GKN2: variants seen among roughly 807,000 people sequenced by gnomAD.
GKN2 encodes gastrokine 2.
GKN2 carries 17 observed loss-of-function variants against 22.7 expected under a neutral mutation model. The ratio of observed to expected loss-of-function variants is 0.75; its 90% CI spans 0.51 to 1.13. GKN2 has a LOEUF of 1.13. Ranked by LOEUF, GKN2 falls within the 50% of genes most tolerant of loss-of-function variation. GKN2 has a pLI of 0.00. For synonymous variants in GKN2, 82 were observed against 79.6 expected, an observed-to-expected ratio of 1.03 and a Z score of -0.16; for missense variants, 248 against 221.4, an observed-to-expected ratio of 1.12 and a Z score of -0.76.
chr2:68,948,293 T>G (rs1462615866), intron 3 of GKN2, among the ~76,000 whole-genome samples: 1 of 151,682 alleles, frequency 6.6e-6, no homozygotes, highest in Non-Finnish European at 1.5e-5. Flanking sequence ...ATGATAGTTA[T>G]TAGCTATATG....
chr2:68,952,247 C>G (rs1375104960), intron 1 of GKN2, among the ~76,000 whole-genome samples: 1 of 152,080 alleles, frequency 6.6e-6, no homozygotes, highest in Non-Finnish European at 1.5e-5. Context: ...CTTAAATTTG[C>G]CATGATTGCG....
intron 4 of GKN2, 36 bp from the exon 5 acceptor site, chr2:68,946,496 A>C (rs1465104734): frequency 2.7e-6 from 4 of 1,497,928 alleles, no homozygotes; most frequent in Non-Finnish European, 3.6e-6. Flanking sequence ...AACATAAAAT[A>C]AATTGACAAA....
chr2:68,946,732 A>C (rs904356703), intron 4 of GKN2, among the ~76,000 whole-genome samples: 2 of 152,078 alleles, frequency 1.3e-5, no homozygotes, highest in African/African-American at 2.4e-5. Context: ...GGAGACTTAA[A>C]CCTTGGGTCT....
At chr2:68,948,399 C>T (rs1056501419) in intron 3 of GKN2, among the ~76,000 whole-genome samples, 4 of 152,166 alleles carry the variant, frequency 2.6e-5, no homozygotes, top group Non-Finnish European at 5.9e-5. Flanking sequence ...CTGGGGGCTT[C>T]CCTATTGGAA....
Position 68,947,256 on chromosome 2 carries a change from C to A in GKN2, c.206G>T (p.Gly69Val). ...SSTTIFDYKH[G>V]YIASRVLSRR... The stretch of plus-strand genomic sequence containing the variant: ...GGAGAGCACCCTGGATGCAATGTAG[C>A]CCTGAGGCAGCAAGAGTACAGTTAC... The change falls in exon 4 of 6, where the codon GGC becomes GTC. Residue 69 changes from glycine (G) to valine (V), a missense_variant and splice_region_variant. Coordinates refer to ENST00000328895, the MANE Select transcript of GKN2 (RefSeq NM_182536.3). 6.2e-7 allele frequency: 1 copy of A among 1,602,722 alleles called. No individual in the cohort carries two copies. The highest frequency in any genetic ancestry group is 2.2e-5 in the East Asian group (1 of 44,814).
In GKN2 at chr2:68,950,318, G is replaced by A. The variant is rs1234815230; in HGVS notation, c.67-55C>T. On this transcript the variant is annotated intron_variant, in intron 2 of 5. Transcript: ENST00000328895. ...TCCATAAATCTTATATATTTGAAAGGCAACTCTTCCAACAAAATAAAGCAG... is the reference window on the plus strand; with the variant it reads ...TCCATAAATCTTATATATTTGAAAGACAACTCTTCCAACAAAATAAAGCAG... 3.3e-6 allele frequency: 5 copies of A among 1,520,860 alleles called. No individual in the cohort carries two copies. The African/African-American group carries it at 4.2e-5, about 13-fold the overall frequency. 94.2% of individuals were successfully genotyped at this position (1,520,860 alleles called of 1,614,324 possible). A position where few individuals can be genotyped will look rare whatever the true frequency, so the allele number is the denominator to read the frequency against.
Position 68,946,003 on chromosome 2 carries a change from A to T in GKN2, c.472+301T>A, listed in dbSNP as rs886403596. On this transcript the variant is annotated intron_variant, in intron 5 of 5. Coordinates refer to ENST00000328895, the MANE Select transcript of GKN2 (RefSeq NM_182536.3). ...ACTTTTTGCTACTTGAAATTCTTAC[A>T]TATGAAAGTATACAAGAATCGAGTA... 14 of 394,604 alleles carry T rather than the reference A, an allele frequency of 3.5e-5. No homozygotes were observed. In the South Asian group the frequency reaches 1.6e-3, roughly 44 times the overall value. 24.4% of individuals were successfully genotyped at this position (394,604 alleles called of 1,614,324 possible).
intron 1 of GKN2, among the ~76,000 whole-genome samples, chr2:68,952,265 G>A (rs1426778270): frequency 1.3e-5 from 2 of 152,204 alleles, no homozygotes; most frequent in African/African-American, 4.8e-5. Context: ...GCGCCTGCAA[G>A]TGGGGATTCA....
At chr2:68,951,917 T>C (rs762946320) in intron 1 of GKN2, among the ~76,000 whole-genome samples, 40 of 152,374 alleles carry the variant, frequency 2.6e-4, no homozygotes, top group Non-Finnish European at 3.8e-4. Context: ...AATACTTTTG[T>C]GCTTCAGGGT....
At chr2:68,945,544 A>C in intron 5 of GKN2, 94 bp from the exon 6 acceptor site, 1 of 963,868 alleles carries the variant, frequency 1.0e-6, no homozygotes, top group Non-Finnish European at 1.6e-6. Flanking sequence ...TAAAACTGAC[A>C]ACTTTTGGAA....
At chr2:68,949,352 T>C (rs1312447914) in intron 3 of GKN2, among the ~76,000 whole-genome samples, 1 of 152,174 alleles carries the variant, frequency 6.6e-6, no homozygotes, top group East Asian at 1.9e-4. Context: ...GTATAGTTGC[T>C]CTGGATTTCT....
At chr2:68,950,304 T>G in intron 2 of GKN2, 41 bp from the exon 3 acceptor site, 1 of 1,574,226 alleles carries the variant, frequency 6.4e-7, no homozygotes, top group Non-Finnish European at 8.6e-7. Flanking sequence ...CCATAAATCT[T>G]ATATATTTGA....
intron 4 of GKN2, 100 bp from the exon 5 acceptor site, chr2:68,946,560 A>G (rs918667744): frequency 2.0e-6 from 2 of 1,011,788 alleles, no homozygotes; most frequent in African/African-American, 3.3e-5. Flanking sequence ...AGATTATTAA[A>G]TAGAAAGAAC....
chr2:68,946,294 T>C lies in GKN2; in HGVS notation c.472+10A>G, dbSNP rs1644923316. 1 of 1,596,764 alleles carries C rather than the reference T, an allele frequency of 6.3e-7. No individual in the cohort carries two copies. Among genetic ancestry groups the C allele is most frequent in the African/African-American group, 1.3e-5 (1 of 74,188 alleles). Reference sequence around the variant, plus strand: ...AATATTTGGTGAGTGAATGACTTATTGGTACTCACGTGTGTTTTCAACCAC... The same window carrying C: ...AATATTTGGTGAGTGAATGACTTATCGGTACTCACGTGTGTTTTCAACCAC... On this transcript the variant is annotated intron_variant, in intron 5 of 5. Transcript: ENST00000328895.
chr2:68,948,248 A>AAC (rs1310832886), intron 3 of GKN2, among the ~76,000 whole-genome samples: 1 of 49,396 alleles, frequency 2.0e-5, no homozygotes, highest in Non-Finnish European at 4.7e-5. Flanking sequence ...TCCGTCAAAA[A>AAC]AAAAAAACAA....
intron 5 of GKN2, 96 bp from the exon 6 acceptor site, chr2:68,945,546 C>T: frequency 2.1e-6 from 2 of 933,024 alleles, no homozygotes; most frequent in Non-Finnish European, 3.3e-6. Context: ...AAACTGACAA[C>T]TTTTGGAAGT....
rs982551442 is a variant in GKN2 at position 68,948,260 on chromosome 2, A to C, written c.205-1003T>G. Among the ~76,000 whole-genome samples the C allele has an allele frequency of 2.6e-5, 4 of 151,230 alleles. 1 individual carries two copies. The highest frequency in any genetic ancestry group is 9.7e-5 in the African/African-American group (4 of 41,158). ...GACTCCGTCAAAAAAAAAAAACAAA[A>C]AAAAAAAACTGTGCTGTCCAATATG... On this transcript the variant is annotated intron_variant, in intron 3 of 5. Coordinates refer to ENST00000328895, the MANE Select transcript of GKN2 (RefSeq NM_182536.3).
In GKN2 at chr2:68,947,230, G is replaced by A. The variant is rs183499773; in HGVS notation, c.232C>T (p.Arg78Ter). 6.2e-6 allele frequency: 10 copies of A among 1,613,476 alleles called. No homozygotes were observed. The highest frequency in any genetic ancestry group is 2.2e-5 in the East Asian group (1 of 44,854). Reference sequence around the variant, plus strand: ...ATCTTCAGGATAAAGCAGGCTCTTCGGGAGAGCACCCTGGATGCAATGTAG... The same window carrying A: ...ATCTTCAGGATAAAGCAGGCTCTTCAGGAGAGCACCCTGGATGCAATGTAG... ...HGYIASRVLSRRACFILKMDH... is the reference protein window; with the variant it reads ...HGYIASRVLS Residue 78 changes from arginine (R) to a stop codon, truncating the protein, a stop_gained, in exon 4 of 6, where the codon CGA becomes TGA. Transcript: ENST00000328895. LOFTEE classifies it high-confidence loss of function.
intron 2 of GKN2, among the ~76,000 whole-genome samples, chr2:68,950,495 G>T (rs74889259): frequency 1.7e-3 from 253 of 152,292 alleles, no homozygotes; most frequent in African/African-American, 5.9e-3. Context: ...AAATGAGACT[G>T]ACCACATTTT....
Sources: allele counts gnomAD v4.1 joint callset (sites outside exome capture counted in the v4.1 genomes callset), GRCh38; gene constraint gnomAD v4.1.1; transcripts MANE v1.5; gene names NCBI Gene and HGNC (gene_info 2026-07-23, HGNC 2026-07-21).